The following COL4A3 variants were observed in gnomAD, a reference collection of about 807,000 sequenced individuals.
COL4A3 encodes the protein collagen alpha-3(IV) chain.
In COL4A3, 135 loss-of-function variants were observed where a neutral mutation model predicts 217.4. The ratio of observed to expected loss-of-function variants is 0.62; its 90% CI spans 0.54 to 0.72. The LOEUF is 0.72. COL4A3 is among the 30% of genes least tolerant of loss of function. COL4A3 has a pLI of 0.00. For missense variants in COL4A3, 1,868 were observed against 2,119.9 expected (o/e 0.88, Z 2.33); for synonymous variants, 690 against 736.3 (o/e 0.94, Z 1.02).
intron 26 of COL4A3, among the ~76,000 whole-genome samples, chr2:227,274,532 T>C (rs1367301716): frequency 6.6e-6 from 1 of 151,874 alleles, no homozygotes; most frequent in East Asian, 1.9e-4. Flanking sequence ...GGAATCTTGC[T>C]CTGTCGCCCA....
chr2:227,236,294 G>A (rs2068694520), intron 1 of COL4A3, among the ~76,000 whole-genome samples: 1 of 152,224 alleles, frequency 6.6e-6, no homozygotes, highest in African/African-American at 2.4e-5. Context: ...AAACTGCAGT[G>A]TATATGAACA....
chr2:227,294,864 A>G (rs2072952138), intron 39 of COL4A3, 100 bp from the exon 40 acceptor site: 2 of 934,508 alleles, frequency 2.1e-6, no homozygotes, highest in Non-Finnish European at 1.7e-6. Flanking sequence ...ACACAATTCC[A>G]CACATCTCCC....
intron 20 of COL4A3, among the ~76,000 whole-genome samples, chr2:227,262,985 C>T (rs1285361972): frequency 6.6e-6 from 1 of 152,052 alleles, no homozygotes; most frequent in Non-Finnish European, 1.5e-5. Context: ...GTCAAAGATA[C>T]TCAAAAATAC....
intron 1 of COL4A3, among the ~76,000 whole-genome samples, chr2:227,218,080 C>CTATATATATATA (rs10606625): frequency 7.9e-4 from 94 of 118,348 alleles, no homozygotes; most frequent in African/African-American, 1.6e-3. Context: ...ATATATATAG[C>CTATATATATATA]TATATATATA....
chr2:227,175,427 C>T (rs1339900368), intron 1 of COL4A3, among the ~76,000 whole-genome samples: 6 of 152,016 alleles, frequency 3.9e-5, no homozygotes, highest in South Asian at 2.1e-4. Flanking sequence ...GCTGAGATCA[C>T]GCCATTGCAT....
intron 1 of COL4A3, among the ~76,000 whole-genome samples, chr2:227,189,707 C>T (rs762771771): frequency 8.6e-4 from 131 of 152,018 alleles, no homozygotes; most frequent in Non-Finnish European, 1.6e-3. Context: ...TAGAGTAAAC[C>T]ATTTTACATA....
chr2:227,235,438 G>A (rs908041574), intron 1 of COL4A3, among the ~76,000 whole-genome samples: 3 of 152,182 alleles, frequency 2.0e-5, no homozygotes, highest in Non-Finnish European at 2.9e-5. Flanking sequence ...CTTCTCAGTC[G>A]GTTACTTTCT....
At chr2:227,175,074 T>TGGTGA (rs1382709439) in intron 1 of COL4A3, among the ~76,000 whole-genome samples, 5 of 152,146 alleles carry the variant, frequency 3.3e-5, no homozygotes, top group African/African-American at 1.2e-4. Flanking sequence ...AGGCTGGACA[T>TGGTGA]GGTGACAACC....
chr2:227,189,836 T>G (rs1000259083), intron 1 of COL4A3, among the ~76,000 whole-genome samples: 7 of 152,214 alleles, frequency 4.6e-5, no homozygotes, highest in Non-Finnish European at 8.8e-5. Flanking sequence ...TGTCTTCACA[T>G]GATGTCTGCT....
At chr2:227,179,063 C>T (rs1317262470) in intron 1 of COL4A3, among the ~76,000 whole-genome samples, 2 of 152,098 alleles carry the variant, frequency 1.3e-5, no homozygotes, top group Non-Finnish European at 2.9e-5. Flanking sequence ...GCAATCCTCC[C>T]TCCTCAACCT....
At chr2:227,289,799 G>C (rs1177431270) in intron 35 of COL4A3, among the ~76,000 whole-genome samples, 200 bp from the exon 36 acceptor site, 1 of 152,096 alleles carries the variant, frequency 6.6e-6, no homozygotes, top group African/African-American at 2.4e-5. Context: ...CTGCTAACGA[G>C]AATCTAACTT....
At chr2:227,300,210 C>A (rs1465776913) in intron 43 of COL4A3, among the ~76,000 whole-genome samples, 3 of 152,160 alleles carry the variant, frequency 2.0e-5, no homozygotes, top group Non-Finnish European at 4.4e-5. Context: ...GGTCTACTGT[C>A]CGGAACATCA....
chr2:227,251,280 A>T, intron 10 of COL4A3, 56 bp from the exon 11 acceptor site: 2 of 1,599,612 alleles, frequency 1.3e-6, no homozygotes, highest in Non-Finnish European at 1.7e-6. Context: ...TTATTAAAAG[A>T]ATTTTTCTGG....
chr2:227,237,945 C>G (rs201895540), intron 1 of COL4A3, 23 bp from the exon 2 acceptor site: 9 of 1,589,602 alleles, frequency 5.7e-6, no homozygotes, highest in Non-Finnish European at 7.8e-6. Flanking sequence ...TAAACAAAAC[C>G]CTTTCTCTTT....
chr2:227,192,549 C>T (rs2066285190), intron 1 of COL4A3, among the ~76,000 whole-genome samples: 1 of 152,194 alleles, frequency 6.6e-6, no homozygotes, highest in African/African-American at 2.4e-5. Flanking sequence ...CTTTGAAAGT[C>T]TTCAAACCCC....
intron 1 of COL4A3, among the ~76,000 whole-genome samples, chr2:227,228,226 C>T (rs1027964992): frequency 6.6e-5 from 10 of 152,174 alleles, no homozygotes; most frequent in Non-Finnish European, 1.0e-4. Context: ...GCGGGGCAGG[C>T]GGGGGCATCC....
intron 1 of COL4A3, among the ~76,000 whole-genome samples, chr2:227,220,017 G>C (rs2125817661): frequency 6.6e-6 from 1 of 151,846 alleles, no homozygotes; most frequent in Non-Finnish European, 1.5e-5. Context: ...GCATTTTCTT[G>C]GTAGCTTTTC....
chr2:227,226,845 C>T (rs2068120401), intron 1 of COL4A3, among the ~76,000 whole-genome samples: 1 of 152,174 alleles, frequency 6.6e-6, no homozygotes, highest in Non-Finnish European at 1.5e-5. Flanking sequence ...CCAGGAATCA[C>T]CAAGCTTTTC....
chr2:227,303,130 C>T lies in COL4A3; in HGVS notation c.3955+20C>T. On this transcript the variant is annotated intron_variant, in intron 44 of 51. Transcript: ENST00000396578. Reference sequence around the variant, plus strand: ...TGAAAGGTACTGTTTTTGTGCATTGCTCTTTATATGCAAATACCATAACCT... The same window carrying T: ...TGAAAGGTACTGTTTTTGTGCATTGTTCTTTATATGCAAATACCATAACCT... 7 of 1,597,092 alleles carry T rather than the reference C, an allele frequency of 4.4e-6. No homozygotes were observed. The highest frequency in any genetic ancestry group is 6.0e-6 in the Non-Finnish European group (7 of 1,164,584).
Sources: gnomAD v4.1 joint callset for allele counts (sites outside exome capture counted in the v4.1 genomes callset) on GRCh38, gnomAD v4.1.1 for gene constraint, MANE v1.5 for transcripts, NCBI Gene and HGNC (gene_info 2026-07-23, HGNC 2026-07-21) for gene names.